The following RIMS2 variants were observed in gnomAD, a reference collection of about 807,000 sequenced individuals.
The protein encoded by RIMS2 is regulating synaptic membrane exocytosis 2, also known as regulating synaptic membrane exocytosis protein 2.
Under a neutral mutation model 174.4 loss-of-function variants are expected in RIMS2, and 59 were observed. The observed-to-expected ratio is 0.34, with a 90% CI of 0.27 to 0.42. The LOEUF is 0.42. Ranked by LOEUF, RIMS2 falls within the 10% of genes least tolerant of loss-of-function variation. RIMS2 has a pLI of 1.00. For synonymous variants in RIMS2, 606 were observed against 572.5 expected (o/e 1.06, Z -0.84); for missense variants, 1,620 against 1,666.3 (o/e 0.97, Z 0.48).
At chr8:104,088,268 G>T (rs1390338065) in intron 19 of RIMS2, among the ~76,000 whole-genome samples, 6 of 151,866 alleles carry the variant, frequency 4.0e-5, no homozygotes, top group Admixed American at 3.9e-4. Flanking sequence ...ATTTTCTTTC[G>T]ATTATGACAT....
At chr8:103,830,699 G>A (rs549163369) in intron 3 of RIMS2, among the ~76,000 whole-genome samples, 21 of 152,192 alleles carry the variant, frequency 1.4e-4, no homozygotes, top group African/African-American at 3.9e-4. Context: ...GCTGAGAGAC[G>A]TGTTAAAAAT....
intron 2 of RIMS2, among the ~76,000 whole-genome samples, chr8:103,757,788 T>A (rs1228255442): frequency 6.6e-6 from 1 of 152,156 alleles, no homozygotes; most frequent in East Asian, 1.9e-4. Context: ...GAGAAGGCGA[T>A]GTGAAGATTT....
intron 17 of RIMS2, among the ~76,000 whole-genome samples, chr8:103,995,804 C>T (rs1238410212): frequency 2.0e-5 from 3 of 151,734 alleles, no homozygotes; most frequent in Non-Finnish European, 4.4e-5. Context: ...GGTAGGAAGT[C>T]CTAAGAGAAG....
intron 19 of RIMS2, among the ~76,000 whole-genome samples, chr8:104,079,700 A>G (rs2097374220): frequency 6.8e-6 from 1 of 146,810 alleles, no homozygotes; most frequent in Non-Finnish European, 1.5e-5. Context: ...CTTCTGAACC[A>G]ACCATGGCAT....
At chr8:104,067,654 A>T (rs2097128599) in intron 19 of RIMS2, among the ~76,000 whole-genome samples, 1 of 152,082 alleles carries the variant, frequency 6.6e-6, no homozygotes, top group African/African-American at 2.4e-5. Context: ...AGCCCCCCAA[A>T]GTGTTGGGAT....
At position 103,728,748 on chromosome 8, in the gene RIMS2, C is replaced by CTTTTTTTTTTT. The variant is rs71575982; in HGVS notation, c.387+31461_387+31471dup. On this transcript the variant is annotated intron_variant, in intron 2 of 23. Coordinates refer to ENST00000504942, the Ensembl canonical transcript of RIMS2. ...TTTATTTTGTTGAGGTATGCTCCTT[C>CTTTTTTTTTTT]TTTTTTTTTTTTTTTTTTTAGGATT... 6.0e-3 allele frequency among the ~76,000 whole-genome samples: 558 copies of CTTTTTTTTTTT among 92,294 alleles called. 4 individuals carry two copies. The highest frequency in any genetic ancestry group is 0.014 in the Middle Eastern group (2 of 138). 60.5% of individuals were successfully genotyped at this position (92,294 alleles called of 152,430 possible). A position where few individuals can be genotyped will look rare whatever the true frequency, so the allele number is the denominator to read the frequency against.
intron 1 of RIMS2, among the ~76,000 whole-genome samples, chr8:103,689,700 T>C (rs373579218): frequency 6.6e-6 from 1 of 152,138 alleles, no homozygotes; most frequent in African/African-American, 2.4e-5. Context: ...TGGTTTCCTT[T>C]TGCAATAGGA....
At position 104,054,647 on chromosome 8, in the gene RIMS2, T is replaced by G. The variant is rs2154559295; in HGVS notation, c.3334+40032T>G. Among the ~76,000 whole-genome samples the G allele has an allele frequency of 2.0e-5, 3 of 152,282 alleles. No individual in the cohort carries two copies. The Middle Eastern group carries it at 0.01, about 518-fold the overall frequency. Reference sequence around the variant, plus strand: ...TAATCATTTTCCAGGCTGATCACCATGGATATAAGGAGGAAATTACTTTCA... The same window carrying G: ...TAATCATTTTCCAGGCTGATCACCAGGGATATAAGGAGGAAATTACTTTCA... On this transcript the variant is annotated intron_variant, in intron 19 of 23. Coordinates refer to ENST00000504942, the Ensembl canonical transcript of RIMS2.
chr8:103,843,232 C>T (rs2098950539), intron 3 of RIMS2, among the ~76,000 whole-genome samples: 2 of 152,120 alleles, frequency 1.3e-5, no homozygotes, highest in South Asian at 4.1e-4. Context: ...TGTTTCTTGG[C>T]CTGCTTTCTC....
chr8:104,074,108 C>G (rs932062995), intron 19 of RIMS2, among the ~76,000 whole-genome samples: 3 of 152,150 alleles, frequency 2.0e-5, no homozygotes, highest in Non-Finnish European at 4.4e-5. Flanking sequence ...CATTGACTTT[C>G]AAGGCACAGG....
chr8:103,925,352 A>C (rs2078566301), intron 10 of RIMS2, among the ~76,000 whole-genome samples: 1 of 151,628 alleles, frequency 6.6e-6, no homozygotes, highest in Admixed American at 6.6e-5. Context: ...TAAAAGGAAT[A>C]CATAATTTAA....
chr8:103,558,526 A>G (rs1056675607), intron 1 of RIMS2, among the ~76,000 whole-genome samples: 2 of 152,162 alleles, frequency 1.3e-5, no homozygotes, highest in African/African-American at 4.8e-5. Context: ...GCCTGCCCCA[A>G]ATCTTTTATC....
At chr8:104,000,248 C>T (rs2095325530) in intron 17 of RIMS2, among the ~76,000 whole-genome samples, 1 of 151,682 alleles carries the variant, frequency 6.6e-6, no homozygotes, top group Admixed American at 6.6e-5. Context: ...ATTCTATTCA[C>T]TGCCTCCATG....
intron 1 of RIMS2, among the ~76,000 whole-genome samples, chr8:103,636,583 C>T (rs1476522330): frequency 5.3e-5 from 8 of 152,084 alleles, no homozygotes; most frequent in African/African-American, 1.2e-4. Context: ...CCAGGTGGGC[C>T]GTTGTCCTGT....
chr8:104,209,123 C>G (rs1014160360), intron 19 of RIMS2, among the ~76,000 whole-genome samples: 4 of 152,146 alleles, frequency 2.6e-5, no homozygotes, highest in Non-Finnish European at 1.5e-5. Context: ...TGGAGAGGAG[C>G]AAGTGTTAGA....
At chr8:103,766,898 G>C (rs1401937291) in intron 3 of RIMS2, among the ~76,000 whole-genome samples, 1 of 152,202 alleles carries the variant, frequency 6.6e-6, no homozygotes, top group Non-Finnish European at 1.5e-5. Flanking sequence ...GGACTAGTTG[G>C]AAGTGGGAGT....
intron 1 of RIMS2, among the ~76,000 whole-genome samples, chr8:103,585,377 A>T (rs1474494801): frequency 6.6e-6 from 1 of 151,702 alleles, no homozygotes; most frequent in Admixed American, 6.6e-5. Flanking sequence ...CAATCCCATT[A>T]CTGGGTATAT....
intron 1 of RIMS2, among the ~76,000 whole-genome samples, chr8:103,660,319 G>A (rs2096583100): frequency 6.6e-6 from 1 of 152,222 alleles, no homozygotes; most frequent in Admixed American, 6.5e-5. Context: ...TGAAGCGCTA[G>A]CTGGACTCAT....
intron 2 of RIMS2, among the ~76,000 whole-genome samples, chr8:103,702,525 T>A (rs1214830275): frequency 6.6e-6 from 1 of 152,186 alleles, no homozygotes; most frequent in East Asian, 1.9e-4. Context: ...TTTACTTCTT[T>A]TTGTAGTAGT....
Sources: allele counts gnomAD v4.1 joint callset (sites outside exome capture counted in the v4.1 genomes callset), GRCh38; gene constraint gnomAD v4.1.1; transcripts MANE v1.5; gene names NCBI Gene and HGNC (gene_info 2026-07-23, HGNC 2026-07-21).